The following KCNU1 variants were observed in gnomAD, a reference collection of about 807,000 sequenced individuals.
KCNU1 encodes potassium calcium-activated channel subfamily U member 1, also known as potassium channel subfamily U member 1.
A neutral mutation model predicts 126.8 loss-of-function variants in KCNU1; 93 were observed. The observed-to-expected ratio is 0.73, with a 90% CI of 0.62 to 0.87. KCNU1 has a LOEUF of 0.87. Ranked by LOEUF, KCNU1 falls within the 40% of genes least tolerant of loss-of-function variation. KCNU1 has a pLI of 0.00. For missense variants in KCNU1, 1,330 were observed against 1,367.1 expected (o/e 0.97, Z 0.43); for synonymous variants, 523 against 494.2 (o/e 1.06, Z -0.77).
chr8:36,822,230 C>G (rs1804156465), intron 10 of KCNU1, among the ~76,000 whole-genome samples: 1 of 151,682 alleles, frequency 6.6e-6, no homozygotes, highest in Non-Finnish European at 1.5e-5. Context: ...ACACACACAT[C>G]TATGTATGTA....
intron 18 of KCNU1, among the ~76,000 whole-genome samples, chr8:36,850,364 T>G (rs1339039321): frequency 2.0e-5 from 3 of 152,186 alleles, no homozygotes; most frequent in Admixed American, 1.3e-4. Flanking sequence ...GTGCAATATC[T>G]AAGAAGGTTT....
chr8:36,862,946 T>C (rs1805782010), intron 18 of KCNU1, among the ~76,000 whole-genome samples: 1 of 152,144 alleles, frequency 6.6e-6, no homozygotes, highest in South Asian at 2.1e-4. Flanking sequence ...ACTTCGGGTG[T>C]TCCCTTCCCG....
chr8:36,895,214 GA>G (rs1807138298), intron 19 of KCNU1, among the ~76,000 whole-genome samples: 1 of 151,902 alleles, frequency 6.6e-6, no homozygotes, highest in South Asian at 2.1e-4. Context: ...AAGTAACTGG[GA>G]TTACAGGCAC....
chr8:36,925,041 C>T (rs1392816677), intron 24 of KCNU1, among the ~76,000 whole-genome samples: 1 of 152,138 alleles, frequency 6.6e-6, no homozygotes, highest in Admixed American at 6.5e-5. Flanking sequence ...TTCCTCCCAC[C>T]ACTCAGCACC....
intron 19 of KCNU1, among the ~76,000 whole-genome samples, chr8:36,872,300 A>C (rs1420673124): frequency 7.2e-5 from 11 of 152,176 alleles, no homozygotes; most frequent in African/African-American, 4.8e-5. Flanking sequence ...CGTATAGGGG[A>C]GGTATAATTT....
chr8:36,793,776 T>G (rs1040456647), intron 2 of KCNU1, among the ~76,000 whole-genome samples: 2 of 152,068 alleles, frequency 1.3e-5, no homozygotes, highest in Non-Finnish European at 2.9e-5. Flanking sequence ...CTATATATGG[T>G]CAGGCATAGT....
At chr8:36,860,453 T>C (rs1343134974) in intron 18 of KCNU1, among the ~76,000 whole-genome samples, 1 of 152,174 alleles carries the variant, frequency 6.6e-6, no homozygotes, top group Non-Finnish European at 1.5e-5. Flanking sequence ...AATAATTGTC[T>C]TTCTGACCTT....
At chr8:36,784,924 C>T (rs556936708) in intron 1 of KCNU1, among the ~76,000 whole-genome samples, 1 of 152,260 alleles carries the variant, frequency 6.6e-6, no homozygotes, top group Non-Finnish European at 1.5e-5. Context: ...GCCTCTATCT[C>T]GAATTTTAAC....
chr8:36,833,870 C>T (rs571271600), intron 11 of KCNU1, among the ~76,000 whole-genome samples: 1 of 152,204 alleles, frequency 6.6e-6, no homozygotes, highest in South Asian at 2.1e-4. Context: ...TCACTGTTTG[C>T]CAACACTTAT....
At chr8:36,914,596 G>A (rs796873522) in intron 22 of KCNU1, among the ~76,000 whole-genome samples, 12 of 152,218 alleles carry the variant, frequency 7.9e-5, no homozygotes, top group African/African-American at 2.6e-4. Context: ...TGGATGAGGC[G>A]GGGGGTTTTG....
chr8:36,821,541 G>A (rs906659826), intron 10 of KCNU1, among the ~76,000 whole-genome samples: 6 of 152,254 alleles, frequency 3.9e-5, no homozygotes, highest in Non-Finnish European at 8.8e-5. Context: ...CAAGATCCAG[G>A]ACTTTGAGCT....
Position 36,848,450 on chromosome 8 carries a change from A to G in KCNU1, c.1891+2551A>G, listed in dbSNP as rs989893059. Among the ~76,000 whole-genome samples the G allele has an allele frequency of 2.6e-5, 4 of 152,126 alleles. No homozygotes were observed. In the East Asian group the frequency reaches 7.7e-4, roughly 29 times the overall value. On this transcript the variant is annotated intron_variant, in intron 18 of 26. Transcript: ENST00000399881. The stretch of plus-strand genomic sequence containing the variant: ...TTAAGTCTTTAATCCATTTCGAGCT[A>G]ATTTTTATATGGGGTGAAAGAAAGG...
At chr8:36,922,380 T>C (rs1445754373) in intron 23 of KCNU1, 110 bp from the exon 24 acceptor site, 1 of 1,173,650 alleles carries the variant, frequency 8.5e-7, no homozygotes, top group African/African-American at 1.5e-5. Flanking sequence ...GACCCCAAAG[T>C]AGACATCAGA....
intron 14 of KCNU1, among the ~76,000 whole-genome samples, chr8:36,838,337 C>T (rs1182926368): frequency 6.6e-6 from 1 of 152,066 alleles, no homozygotes; most frequent in Non-Finnish European, 1.5e-5. Flanking sequence ...GAAGACTTAT[C>T]CTCCTTCATG....
chr8:36,857,047 TGAGCCATTGCTCCC>T (rs1469083220), intron 18 of KCNU1, among the ~76,000 whole-genome samples: 1 of 152,228 alleles, frequency 6.6e-6, no homozygotes, highest in Non-Finnish European at 1.5e-5. Context: ...GCAAAATCTC[TGAGCCATTGCTCCC>T]GAGCTTGCAG....
intron 19 of KCNU1, among the ~76,000 whole-genome samples, chr8:36,870,594 A>G (rs980649272): frequency 3.3e-5 from 5 of 152,188 alleles, no homozygotes; most frequent in Non-Finnish European, 7.3e-5. Context: ...ATCACCGTAC[A>G]TGGCTCTTTT....
At chr8:36,825,873 T>C (rs1042176837) in intron 10 of KCNU1, among the ~76,000 whole-genome samples, 2 of 152,204 alleles carry the variant, frequency 1.3e-5, no homozygotes, top group East Asian at 1.9e-4. Flanking sequence ...CACTTACTTC[T>C]GACTTCTGTT....
chr8:36,797,686 G>T (rs1373165178), intron 2 of KCNU1, among the ~76,000 whole-genome samples: 3 of 151,204 alleles, frequency 2.0e-5, no homozygotes, highest in African/African-American at 7.3e-5. Flanking sequence ...GGGAAGTGTG[G>T]GTAGTATACT....
At chr8:36,792,559 C>G (rs534151835) in intron 2 of KCNU1, among the ~76,000 whole-genome samples, 1 of 152,286 alleles carries the variant, frequency 6.6e-6, no homozygotes, top group Non-Finnish European at 1.5e-5. Flanking sequence ...GCTGCGAACT[C>G]CACATGCTCG....
Sources: allele counts gnomAD v4.1 joint callset (sites outside exome capture counted in the v4.1 genomes callset), GRCh38; gene constraint gnomAD v4.1.1; transcripts MANE v1.5; gene names NCBI Gene and HGNC (gene_info 2026-07-23, HGNC 2026-07-21).